Variants in KANK1 observed in about 807,000 individuals in gnomAD.
KANK1 encodes the protein KN motif and ankyrin repeat domain-containing protein 1.
A neutral mutation model predicts 106.2 loss-of-function variants in KANK1; 109 were observed. That is an observed-to-expected ratio of 1.03 (90% confidence interval 0.88 to 1.20). The LOEUF is 1.20. Among genes scored for constraint, KANK1 ranks in the 50% most tolerant of loss-of-function variants. The probability of loss-of-function intolerance (pLI) is 0.00; values close to 1 mark genes in which losing one functional copy is unlikely to be tolerated. For synonymous variants in KANK1, 873 were observed against 652.2 expected (o/e 1.34, Z -5.16); for missense variants, 2,399 against 1,710.7 (o/e 1.40, Z -7.10).
chr9:670,280 A>G (rs1049695666), intron 1 of KANK1, among the ~76,000 whole-genome samples: 6 of 152,056 alleles, frequency 3.9e-5, no homozygotes, highest in African/African-American at 1.5e-4. Flanking sequence ...TCTTATGGAT[A>G]TATGTCTGTG....
intron 1 of KANK1, among the ~76,000 whole-genome samples, chr9:519,453 T>C (rs1415357417): frequency 6.6e-6 from 1 of 151,836 alleles, no homozygotes; most frequent in African/African-American, 2.4e-5. Flanking sequence ...TTGTTTTTCT[T>C]TGGCTTCTAG....
At position 663,994 on chromosome 9, in the gene KANK1, A is replaced by G. The variant is rs147252450; in HGVS notation, c.-83-12896A>G. On this transcript the variant is annotated intron_variant, in intron 1 of 11. Transcript: ENST00000382297. The stretch of plus-strand genomic sequence containing the variant: ...TTGGCTGTATCCTCACCCAGATCTC[A>G]TCTTGAATTGTAGTTCCCATAATCT... Among the ~76,000 whole-genome samples, 756 of 151,936 alleles carry G rather than the reference A, an allele frequency of 5.0e-3. 8 individuals carry two copies. The highest frequency in any genetic ancestry group is 0.017 in the African/African-American group (723 of 41,398).
intron 1 of KANK1, among the ~76,000 whole-genome samples, chr9:663,459 C>T (rs1302504697): frequency 6.6e-6 from 1 of 152,152 alleles, no homozygotes; most frequent in African/African-American, 2.4e-5. Flanking sequence ...TTTAATGTAC[C>T]TATACCGAGT....
chr9:736,057 G>A (rs1054133954), intron 7 of KANK1, among the ~76,000 whole-genome samples: 19 of 152,018 alleles, frequency 1.2e-4, no homozygotes, highest in Admixed American at 7.9e-4. Context: ...TCCCGGGTTC[G>A]GGCCATTCTC....
intron 1 of KANK1, among the ~76,000 whole-genome samples, chr9:516,958 G>A (rs2059304570): frequency 1.3e-5 from 2 of 148,238 alleles, no homozygotes; most frequent in Non-Finnish European, 2.9e-5. Flanking sequence ...TGCCCTGCCA[G>A]GTGTGCATCT....
In KANK1 at chr9:720,833, C is replaced by T. The variant is rs117776750; in HGVS notation, c.2698+7369C>T. Among the ~76,000 whole-genome samples, 49 of 152,278 alleles carry T rather than the reference C, an allele frequency of 3.2e-4. No homozygotes were observed. In the East Asian group the frequency reaches 8.9e-3, roughly 28 times the overall value. Reference sequence around the variant, plus strand: ...GTTTTTATCCCTATTGTTCAGGGAGCATTTACTTTCTGTTTAGTATGAACA... The same window carrying T: ...GTTTTTATCCCTATTGTTCAGGGAGTATTTACTTTCTGTTTAGTATGAACA... On this transcript the variant is annotated intron_variant, in intron 3 of 11. Transcript: ENST00000382297.
At chr9:638,634 G>T (rs564583662) in intron 1 of KANK1, among the ~76,000 whole-genome samples, 3 of 152,300 alleles carry the variant, frequency 2.0e-5, no homozygotes, top group Non-Finnish European at 2.9e-5. Context: ...TTACCTCCAG[G>T]TTCTGGGCAA....
chr9:522,622 A>G (rs1398198370), intron 1 of KANK1, among the ~76,000 whole-genome samples: 1 of 151,796 alleles, frequency 6.6e-6, no homozygotes, highest in Non-Finnish European at 1.5e-5. Flanking sequence ...GAACTGGCAG[A>G]AGGCAAAGAC....
intron 1 of KANK1, among the ~76,000 whole-genome samples, chr9:571,285 C>T (rs114037112): frequency 0.012 from 1,850 of 152,128 alleles, 32 homozygotes; most frequent in African/African-American, 0.042. Flanking sequence ...CAGAGGAAGC[C>T]TTTGCCAGAG....
At chr9:506,541 T>C (rs924749275) in intron 1 of KANK1, among the ~76,000 whole-genome samples, 1 of 151,994 alleles carries the variant, frequency 6.6e-6, no homozygotes, top group Admixed American at 6.6e-5. Context: ...TGTGTGTGTG[T>C]GTGTGTGCGT....
chr9:638,477 G>C (rs930607408), intron 1 of KANK1, among the ~76,000 whole-genome samples: 3 of 152,224 alleles, frequency 2.0e-5, no homozygotes, highest in African/African-American at 4.8e-5. Flanking sequence ...TTTGTTTCAG[G>C]ATAAACATAT....
intron 1 of KANK1, among the ~76,000 whole-genome samples, chr9:613,655 CA>C (rs1178286653): frequency 6.6e-6 from 1 of 152,078 alleles, no homozygotes; most frequent in Non-Finnish European, 1.5e-5. Context: ...CCACAGAGAG[CA>C]AACTCTCTAT....
intron 1 of KANK1, among the ~76,000 whole-genome samples, chr9:653,812 C>A (rs563807107): frequency 1.3e-5 from 2 of 152,272 alleles, no homozygotes; most frequent in South Asian, 4.1e-4. Flanking sequence ...GATGAACAAG[C>A]CTCATCACAT....
chr9:649,819 CT>C (rs1840489338), intron 1 of KANK1, among the ~76,000 whole-genome samples: 1 of 152,196 alleles, frequency 6.6e-6, no homozygotes, highest in Admixed American at 6.5e-5. Flanking sequence ...TTTTGTCCCC[CT>C]GCCCACATAT....
At chr9:653,401 G>C (rs772316101) in intron 1 of KANK1, among the ~76,000 whole-genome samples, 1 of 151,982 alleles carries the variant, frequency 6.6e-6, no homozygotes, top group Non-Finnish European at 1.5e-5. Context: ...CAGAGCAAAA[G>C]GTTTCCAGGT....
At chr9:580,406 G>C (rs1300330434) in intron 1 of KANK1, among the ~76,000 whole-genome samples, 1 of 152,178 alleles carries the variant, frequency 6.6e-6, no homozygotes, top group Non-Finnish European at 1.5e-5. Flanking sequence ...GGTTGCCACT[G>C]CTGGCTCAGG....
intron 1 of KANK1, among the ~76,000 whole-genome samples, chr9:566,434 A>G (rs1817830317): frequency 6.6e-6 from 1 of 152,168 alleles, no homozygotes; most frequent in South Asian, 2.1e-4. Flanking sequence ...GACTCATCAC[A>G]TTGTCTTCCA....
chr9:474,951 T>C (rs147618285), intron 3 of KANK1, among the ~76,000 whole-genome samples: 1 of 152,248 alleles, frequency 6.6e-6, no homozygotes, highest in East Asian at 1.9e-4. Context: ...ACATGTGCAG[T>C]GCAGGAGAGG....
intron 1 of KANK1, among the ~76,000 whole-genome samples, chr9:574,005 C>T (rs1226465471): frequency 2.6e-5 from 4 of 152,344 alleles, no homozygotes; most frequent in Admixed American, 1.3e-4. Flanking sequence ...TGTGCCCATC[C>T]GCCGCAGCTC....
Sources: allele counts gnomAD v4.1 joint callset (sites outside exome capture counted in the v4.1 genomes callset), GRCh38; gene constraint gnomAD v4.1.1; transcripts MANE v1.5; gene names NCBI Gene and HGNC (gene_info 2026-07-23, HGNC 2026-07-21).